TAPBPL: variants seen among roughly 807,000 people sequenced by gnomAD.
TAPBPL encodes tapasin-related protein.
A neutral mutation model predicts 44.8 loss-of-function variants in TAPBPL; 32 were observed. The observed-to-expected ratio is 0.71, with a 90% CI of 0.54 to 0.96. The LOEUF is 0.96. Ranked by LOEUF, TAPBPL falls within the 40% of genes least tolerant of loss-of-function variation. The pLI is 0.00. For synonymous variants in TAPBPL, 230 were observed against 240.7 expected, an observed-to-expected ratio of 0.96 and a Z score of 0.41; for missense variants, 520 against 586.6, an observed-to-expected ratio of 0.89 and a Z score of 1.17.
chr12:6,454,619 T>C (rs1194365358), intron 3 of TAPBPL, among the ~76,000 whole-genome samples: 1 of 152,150 alleles, frequency 6.6e-6, no homozygotes, highest in African/African-American at 2.4e-5. Context: ...ATAAGACACA[T>C]GATGCTATTC....
At chr12:6,466,339 A>AG, downstream of TAPBPL, 1 of 1,613,686 alleles carries the variant, frequency 6.2e-7, no homozygotes. Context: ...CAGGTGGCTG[A>AG]GCTGGAGCAG....
intron 4 of TAPBPL, 55 bp from the exon 5 acceptor site, chr12:6,458,590 C>T: frequency 6.3e-7 from 1 of 1,581,470 alleles, no homozygotes; most frequent in Non-Finnish European, 8.6e-7. Flanking sequence ...CTTCAGGCTC[C>T]TCCGCTGTCC....
At chr12:6,462,825 C>T (rs1949914810), downstream of TAPBPL, 1 of 1,604,818 alleles carries the variant, frequency 6.2e-7, no homozygotes. Context: ...TGCTTTCTTC[C>T]AGCTCTTCAG....
At chr12:6,464,878 A>C (rs779292003), downstream of TAPBPL, 4 of 1,614,084 alleles carry the variant, frequency 2.5e-6, no homozygotes, top group Admixed American at 6.7e-5. Context: ...CAGCAACTTC[A>C]GCGATACTTA....
chr12:6,458,642 C>T lies in TAPBPL; in HGVS notation c.905-3C>T, dbSNP rs776736187. On this transcript the variant is annotated splice_region_variant and splice_polypyrimidine_tract_variant and intron_variant, in intron 4 of 6. Transcript: ENST00000266556. ...GTAATCTTATTCCTCATTCTTTCTCCAGCTTCCCCTAAAGTACGACTGAGC... is the reference window on the plus strand; with the variant it reads ...GTAATCTTATTCCTCATTCTTTCTCTAGCTTCCCCTAAAGTACGACTGAGC... 1 of 1,612,132 alleles carries T rather than the reference C, an allele frequency of 6.2e-7. No homozygotes were observed. The highest frequency in any genetic ancestry group is 2.2e-5 in the East Asian group (1 of 44,824).
chr12:6,470,978 C>A (rs2534721), downstream of TAPBPL: 37,039 of 172,348 alleles, frequency 0.21, 4,953 homozygotes, highest in East Asian at 0.33. Context: ...GTTTGTTAGG[C>A]ATTTGTGGTG....
chr12:6,454,581 T>C (rs1364236931), intron 3 of TAPBPL, among the ~76,000 whole-genome samples: 1 of 152,136 alleles, frequency 6.6e-6, no homozygotes, highest in African/African-American at 2.4e-5. Flanking sequence ...TGGAGATCGT[T>C]CTCATCTCAC....
chr12:6,461,127 C>T (rs1026744470), intron 6 of TAPBPL, 189 bp downstream of exon 6: 7 of 1,413,996 alleles, frequency 5.0e-6, no homozygotes, highest in Non-Finnish European at 6.4e-6. Context: ...CTCCTAGCTA[C>T]CTCACTAAAG....
downstream of TAPBPL, chr12:6,464,776 G>C: frequency 6.4e-7 from 1 of 1,555,384 alleles, no homozygotes; most frequent in Non-Finnish European, 8.7e-7. Flanking sequence ...CCATAGCAGC[G>C]GTCTCCATAC....
At chr12:6,456,809 T>A (rs779029561) in intron 3 of TAPBPL, among the ~76,000 whole-genome samples, 1 of 151,842 alleles carries the variant, frequency 6.6e-6, no homozygotes, top group Non-Finnish European at 1.5e-5. Context: ...CCTGCCACCA[T>A]GCCCGGCTAA....
At position 6,462,222 on chromosome 12, in the gene TAPBPL, C is replaced by A; in HGVS notation, c.*73C>A. 7.5e-7 allele frequency: 1 copy of A among 1,326,034 alleles called. No individual in the cohort carries two copies. Among genetic ancestry groups the A allele is most frequent in the Non-Finnish European group, 1.0e-6 (1 of 962,108 alleles). The allele number at this position is 1,326,034 out of a possible 1,614,324, so 82.1% of individuals were successfully genotyped here. On this transcript the variant is annotated 3_prime_UTR_variant, in exon 7 of 7. Transcript: ENST00000266556. ...GCCCCCACAGCTACTCCAACCCAAA[C>A]AACAACCAAGCCAGTTTAATGGTAG...
chr12:6,457,792 A>G, intron 4 of TAPBPL, 48 bp downstream of exon 4: 4 of 1,479,546 alleles, frequency 2.7e-6, no homozygotes, highest in Non-Finnish European at 3.6e-6. Flanking sequence ...TAACATGTCT[A>G]CTGGGAGCGT....
At chr12:6,464,762 G>A (rs540511594), downstream of TAPBPL, 5 of 1,535,288 alleles carry the variant, frequency 3.3e-6, no homozygotes, top group Admixed American at 4.3e-5. Context: ...ACCAGGTGAC[G>A]ATCCCATAGC....
chr12:6,464,798 C>G, downstream of TAPBPL: 1 of 1,596,596 alleles, frequency 6.3e-7, no homozygotes, highest in Non-Finnish European at 8.5e-7. Context: ...TCAGTCAGAG[C>G]AGCCCCACTC....
At chr12:6,467,399 T>C (rs987662988), downstream of TAPBPL, among the ~76,000 whole-genome samples, 2 of 152,142 alleles carry the variant, frequency 1.3e-5, no homozygotes, top group Non-Finnish European at 2.9e-5. Context: ...GCTGAGGTGG[T>C]CTCAGATGGA....
At chr12:6,471,887 C>T in the TAPBPL span, among the ~76,000 whole-genome samples, 2 of 152,086 alleles carry the variant, frequency 1.3e-5, no homozygotes, top group Non-Finnish European at 2.9e-5. The surrounding 1 kb of genome is among the most constrained non-coding windows in gnomAD (Gnocchi z 4.0). Context: ...TACCACTTAG[C>T]ATTTTTGTTT....
At chr12:6,470,417 T>C, downstream of TAPBPL, 2 of 1,506,258 alleles carry the variant, frequency 1.3e-6, no homozygotes, top group Non-Finnish European at 1.8e-6. Flanking sequence ...GCGGTGGTAG[T>C]TCCCCGCGTT....
downstream of TAPBPL, chr12:6,470,553 G>C: frequency 2.5e-6 from 4 of 1,613,936 alleles, no homozygotes; most frequent in Non-Finnish European, 3.4e-6. Context: ...AGAGAGTGAG[G>C]GTCTGTTCCT....
At chr12:6,454,792 ATCC>A (rs1294270593) in intron 3 of TAPBPL, among the ~76,000 whole-genome samples, 1 of 152,114 alleles carries the variant, frequency 6.6e-6, no homozygotes, top group African/African-American at 2.4e-5. Context: ...AGCTCAGCAC[ATCC>A]TCGAGGGCAC....
Sources: gnomAD v4.1 joint callset for allele counts (sites outside exome capture counted in the v4.1 genomes callset) on GRCh38, gnomAD v4.1.1 for gene constraint, Gnocchi (gnomAD v3.1) non-coding constraint, MANE v1.5 for transcripts, NCBI Gene and HGNC (gene_info 2026-07-23, HGNC 2026-07-21) for gene names.